KMT5B: variants seen among roughly 807,000 people sequenced by gnomAD.
The protein encoded by KMT5B is lysine methyltransferase 5B, also known as histone-lysine N-methyltransferase KMT5B.
In KMT5B, 10 loss-of-function variants were observed where a neutral mutation model predicts 83.2. The observed-to-expected ratio is 0.12, with a 90% confidence interval of 0.07 to 0.20. The LOEUF (loss-of-function observed/expected upper bound fraction) is 0.20. Ranked by LOEUF, KMT5B falls within the 10% of genes least tolerant of loss-of-function variation. KMT5B has a pLI of 1.00. For synonymous variants in KMT5B, 349 were observed against 388.8 expected, an observed-to-expected ratio of 0.90 and a Z score of 1.20; for missense variants, 753 against 1,067.2, an observed-to-expected ratio of 0.71 and a Z score of 4.10.
Position 68,158,415 on chromosome 11 carries a change from T to C in KMT5B, c.1931A>G (p.Asp644Gly). The C allele has an allele frequency of 6.2e-7, 1 of 1,614,166 alleles. No homozygotes were observed. Among genetic ancestry groups the C allele is most frequent in the Non-Finnish European group, 8.5e-7 (1 of 1,180,002 alleles). Reference sequence around the variant, plus strand: ...CTGGTCAGAATGGGGACCCATCAAATCTGGTACCGCGTCGTCTTTTCCAGG... The same window carrying C: ...CTGGTCAGAATGGGGACCCATCAAACCTGGTACCGCGTCGTCTTTTCCAGG... ...DSPGKDDAVP[D>G]LMGPHSDQGE... The change falls in exon 11 of 11, where the codon GAT (aspartate) becomes GGT (glycine). Residue 644 changes from aspartate to glycine, a missense_variant. Physicochemically the swap from Asp to Gly is moderately conservative, Grantham distance 94. This residue lies in a region of KMT5B where 397 missense variants were observed against 395.9 expected (regional missense o/e 1.00). Transcript: ENST00000304363.
intron 3 of KMT5B, among the ~76,000 whole-genome samples, chr11:68,181,789 T>A (rs1194536114): frequency 6.6e-6 from 1 of 152,204 alleles, no homozygotes; most frequent in East Asian, 1.9e-4. Flanking sequence ...TCACCAAGAT[T>A]ATTGTAAAGG....
In KMT5B at chr11:68,160,372, T is replaced by G. The variant is rs151226679; in HGVS notation, c.1175-1201A>C. Among the ~76,000 whole-genome samples, 952 of 152,334 alleles carry G rather than the reference T, an allele frequency of 6.2e-3. 5 individuals are homozygous for G. The highest frequency in any genetic ancestry group is 0.02 in the African/African-American group (849 of 41,580). On this transcript the variant is annotated intron_variant, in intron 10 of 10. Transcript: ENST00000304363. ...TTGTTACACAAGTCAGTTTCTCAAT[T>G]ACTTAGTTCTTGCAGGTCCAGTTGA...
chr11:68,158,503 G>T lies in KMT5B; in HGVS notation c.1843C>A (p.Arg615=), dbSNP rs148005738. 4,218 of 1,614,052 alleles carry T rather than the reference G, an allele frequency of 2.6e-3. 9 individuals carry two copies. The highest frequency in any genetic ancestry group is 3.2e-3 in the Non-Finnish European group (3,737 of 1,180,002). The change falls in exon 11 of 11, where the codon CGA becomes AGA. Residue 615 remains arginine (R), a synonymous_variant. Coordinates refer to ENST00000304363, the MANE Select transcript of KMT5B (RefSeq NM_017635.5). ...SDTGMSKKKS[R]QGKLVKQFAK... is the part of the protein sequence containing the mutation. ...AACTGTTTCACAAGTTTTCCTTGTC[G>T]TGACTTCTTTTTGGACATGCCTGTG...
chr11:68,169,082 A>C (rs1855591046), intron 9 of KMT5B, among the ~76,000 whole-genome samples: 1 of 152,380 alleles, frequency 6.6e-6, no homozygotes. Flanking sequence ...GTCTGACAAT[A>C]GCCATGGCCA....
chr11:68,165,527 GGT>G (rs1855242034), intron 10 of KMT5B, among the ~76,000 whole-genome samples: 1 of 151,842 alleles, frequency 6.6e-6, no homozygotes, highest in South Asian at 2.1e-4. Flanking sequence ...AAAAGACACA[GGT>G]CTTACTATGT....
Position 68,164,660 on chromosome 11 carries a change from T to A in KMT5B, c.1174+2322A>T, listed in dbSNP as rs759598156. The A allele has an allele frequency of 5.8e-6, 3 of 514,704 alleles. No homozygotes were observed. In the East Asian group the frequency reaches 1.6e-4, roughly 28 times the overall value. The allele number at this position is 514,704 out of a possible 1,614,324, so 31.9% of individuals were successfully genotyped here. On this transcript the variant is annotated intron_variant, in intron 10 of 10. Coordinates refer to ENST00000304363, the MANE Select transcript of KMT5B (RefSeq NM_017635.5). The stretch of plus-strand genomic sequence containing the variant: ...ACCTCAGAGTTAGTCATACTGATCC[T>A]TGGATTGCTCCAATCATGCTGCAGA...
chr11:68,189,115 C>A (rs1857758768), intron 2 of KMT5B, among the ~76,000 whole-genome samples: 1 of 152,164 alleles, frequency 6.6e-6, no homozygotes, highest in Non-Finnish European at 1.5e-5. Context: ...CAGGCTAATC[C>A]AAATCCCTGG....
intron 10 of KMT5B, among the ~76,000 whole-genome samples, chr11:68,163,594 A>C (rs1292913345): frequency 6.6e-6 from 1 of 152,226 alleles, no homozygotes. Flanking sequence ...GCCGCACTGG[A>C]AATGCACAAT....
Position 68,158,014 on chromosome 11 carries a change from T to C in KMT5B, c.2332A>G (p.Lys778Glu). Residue 778 changes from lysine (K) to glutamate (E), a missense_variant, in exon 11 of 11, where the codon AAA becomes GAA. By Grantham distance (56) the Lys-to-Glu change is moderately conservative. This residue lies in a region of KMT5B where 161 missense variants were observed against 195.1 expected (regional missense o/e 0.83). Transcript: ENST00000304363. ...TCCTCATCTCGTTTTAGCTGGATTT[T>C]TAATTTTGTAGAACTACTGCCTGAT... is the stretch of plus-strand genomic sequence containing the variant. Reference protein sequence around the residue: ...SGSGSSSTKLKIQLKRDEENR... With the variant: ...SGSGSSSTKLEIQLKRDEENR... The C allele has an allele frequency of 1.9e-6, 3 of 1,614,192 alleles. No homozygotes were observed. Among genetic ancestry groups the C allele is most frequent in the Non-Finnish European group, 2.5e-6 (3 of 1,180,032 alleles).
chr11:68,163,045 A>AAG (rs386374055), intron 10 of KMT5B, among the ~76,000 whole-genome samples: 4 of 151,580 alleles, frequency 2.6e-5, no homozygotes, highest in Non-Finnish European at 5.9e-5. Context: ...AATGATTTTA[A>AAG]AGTCCATCAA....
At chr11:68,198,100 T>C (rs1858937802) in intron 1 of KMT5B, among the ~76,000 whole-genome samples, 1 of 152,074 alleles carries the variant, frequency 6.6e-6, no homozygotes, top group Non-Finnish European at 1.5e-5. Flanking sequence ...GATACTGTAG[T>C]AGAGTATAGA....
intron 1 of KMT5B, among the ~76,000 whole-genome samples, chr11:68,194,879 TAAC>T (rs375691590): frequency 1.1e-3 from 168 of 152,308 alleles, no homozygotes; most frequent in African/African-American, 4.0e-3. Context: ...AAAGCTGCAT[TAAC>T]AACAAGCAAA....
At chr11:68,213,409 C>T (rs1242793726), upstream of KMT5B, 3 of 146,374 alleles carry the variant, frequency 2.0e-5, no homozygotes, top group African/African-American at 4.9e-5. Flanking sequence ...TCGCGCCCCC[C>T]GCGCCCCCGG....
In KMT5B at chr11:68,158,538, T is replaced by C. The variant is rs776143791; in HGVS notation, c.1808A>G (p.His603Arg). The change falls in exon 11 of 11, where the codon CAT becomes CGT. Residue 603 changes from histidine (H) to arginine (R), a missense_variant. This residue lies in a region of KMT5B where 397 missense variants were observed against 395.9 expected (regional missense o/e 1.00). Coordinates refer to ENST00000304363, the MANE Select transcript of KMT5B (RefSeq NM_017635.5). ...ETAQKGEAKC[H>R]KSDTGMSKKK... ...TTTGGACATGCCTGTGTCACTCTTA[T>C]GACACTTTGCCTCCCCTTTTTGTGC... 9 of 1,614,226 alleles carry C rather than the reference T, an allele frequency of 5.6e-6. No individual in the cohort carries two copies. The South Asian group carries it at 7.7e-5, about 14-fold the overall frequency.
intron 1 of KMT5B, among the ~76,000 whole-genome samples, chr11:68,191,658 T>A (rs551531268): frequency 2.3e-4 from 35 of 152,324 alleles, no homozygotes; most frequent in African/African-American, 8.4e-4. Context: ...TATAGCTATA[T>A]GTGTTTGTAT....
chr11:68,192,238 C>T (rs1471652267), intron 1 of KMT5B, among the ~76,000 whole-genome samples: 1 of 152,218 alleles, frequency 6.6e-6, no homozygotes, highest in Non-Finnish European at 1.5e-5. Flanking sequence ...CACCTAAACT[C>T]ACATTTCTCA....
chr11:68,163,665 G>A (rs1855048504), intron 10 of KMT5B, among the ~76,000 whole-genome samples: 1 of 152,204 alleles, frequency 6.6e-6, no homozygotes, highest in African/African-American at 2.4e-5. Flanking sequence ...GGAGGATCCA[G>A]AAGGCCTCTG....
chr11:68,208,360 T>G (rs988890180), intron 1 of KMT5B, among the ~76,000 whole-genome samples: 1 of 151,762 alleles, frequency 6.6e-6, no homozygotes, highest in African/African-American at 2.4e-5. Context: ...GGCAGGAGAA[T>G]TGCATGAACC....
chr11:68,164,913 GTCT>G (rs374252059), intron 10 of KMT5B, among the ~76,000 whole-genome samples: 230 of 152,322 alleles, frequency 1.5e-3, no homozygotes, highest in African/African-American at 4.9e-3. Flanking sequence ...ATCTTTGTAT[GTCT>G]TCAAGAACTA....
Sources: gnomAD v4.1 joint callset for allele counts (sites outside exome capture counted in the v4.1 genomes callset) on GRCh38, gnomAD v4.1.1 for gene constraint, gnomAD v4.1.1 regional missense constraint, MANE v1.5 for transcripts, NCBI Gene and HGNC (gene_info 2026-07-23, HGNC 2026-07-21) for gene names.